FILIP1L: variants seen among roughly 807,000 people sequenced by gnomAD.
The protein encoded by FILIP1L is filamin A interacting protein 1 like.
Under a neutral mutation model 96.6 loss-of-function variants are expected in FILIP1L, and 55 were observed. The observed-to-expected ratio is 0.57, with a 90% CI of 0.46 to 0.71. FILIP1L has a LOEUF of 0.71. FILIP1L is among the 30% of genes least tolerant of loss of function. The pLI is 0.00. For missense variants in FILIP1L, 1,304 were observed against 1,321.2 expected (o/e 0.99, Z 0.20); for synonymous variants, 467 against 473.9 (o/e 0.99, Z 0.19).
intron 1 of FILIP1L, among the ~76,000 whole-genome samples, chr3:99,943,703 C>CA (rs1014184491): frequency 0.012 from 1,733 of 139,652 alleles, 34 homozygotes; most frequent in African/African-American, 0.038. Flanking sequence ...GACTCCGTCT[C>CA]AAAAAAAAAA....
intron 5 of FILIP1L, among the ~76,000 whole-genome samples, chr3:99,847,135 T>C (rs760237793): frequency 2.0e-5 from 3 of 152,168 alleles, no homozygotes; most frequent in Non-Finnish European, 2.9e-5. Context: ...ACATACTGTA[T>C]TTTTTAAATA....
At chr3:99,869,699 C>T (rs181406571) in intron 4 of FILIP1L, among the ~76,000 whole-genome samples, 3 of 152,276 alleles carry the variant, frequency 2.0e-5, no homozygotes, top group African/African-American at 7.2e-5. Flanking sequence ...TTAAGTCTTG[C>T]GAGCCCAAAT....
chr3:99,984,635 G>A (rs1398046063), intron 1 of FILIP1L, among the ~76,000 whole-genome samples: 2 of 152,264 alleles, frequency 1.3e-5, no homozygotes, highest in African/African-American at 4.8e-5. Flanking sequence ...GAAAGAATGA[G>A]CACCTTTGCC....
At chr3:100,084,611 G>C (rs913655205) in intron 1 of FILIP1L, among the ~76,000 whole-genome samples, 3 of 152,188 alleles carry the variant, frequency 2.0e-5, no homozygotes, top group African/African-American at 7.2e-5. Flanking sequence ...AAGAGGAACT[G>C]ATGTGGTTTT....
rs1942621860 is a variant in FILIP1L, at chr3:99,830,074, A to C, written c.*340T>G. On this transcript the variant is annotated 3_prime_UTR_variant, in exon 6 of 6. Transcript: ENST00000477258. ...GCAAAGTTCTGTAGAATGAAGAATT[A>C]CTTCTGTTTTCACCAGAAAACTCTT... 6.5e-6 allele frequency: 1 copy of C among 154,052 alleles called. No homozygotes were observed. The highest frequency in any genetic ancestry group is 1.5e-5 in the Non-Finnish European group (1 of 68,916). The allele number at this position is 154,052 out of a possible 1,614,324, so 9.5% of individuals were successfully genotyped here.
At chr3:99,837,993 C>G (rs921523988) in intron 5 of FILIP1L, among the ~76,000 whole-genome samples, 1 of 152,222 alleles carries the variant, frequency 6.6e-6, no homozygotes, top group African/African-American at 2.4e-5. Context: ...TTCCGTGAAT[C>G]ATTTTCACTC....
At chr3:100,112,024 A>C (rs1016340868) in intron 1 of FILIP1L, among the ~76,000 whole-genome samples, 2 of 152,170 alleles carry the variant, frequency 1.3e-5, no homozygotes, top group Non-Finnish European at 2.9e-5. Context: ...AATAACCAGC[A>C]CGGGGCCTGG....
chr3:99,876,691 A>T (rs967685516), intron 4 of FILIP1L, among the ~76,000 whole-genome samples: 4 of 152,130 alleles, frequency 2.6e-5, no homozygotes, highest in African/African-American at 7.2e-5. Context: ...GGGTCCTCAG[A>T]GGATGGTGTT....
chr3:99,898,651 A>G (rs1706337229), intron 4 of FILIP1L: 1 of 183,752 alleles, frequency 5.4e-6, no homozygotes, highest in Non-Finnish European at 1.2e-5. Flanking sequence ...CTGTAATCCC[A>G]GCTACTTGGA....
chr3:99,929,916 A>T lies in FILIP1L; in HGVS notation c.366T>A (p.Asp122Glu). Reference sequence around the variant, plus strand: ...AAGGGGTAGATTTCGCTTGAAAAGCATCTCTCTGGAGAGCCTCTAACACCT... The same window carrying T: ...AAGGGGTAGATTTCGCTTGAAAAGCTTCTCTCTGGAGAGCCTCTAACACCT... ...PKKVLEALQRDAFQAKSTPWQ... is the reference protein window; with the variant it reads ...PKKVLEALQREAFQAKSTPWQ... The change falls in exon 3 of 6, where the codon GAT (aspartate) becomes GAA (glutamate). Residue 122 changes from aspartate (D) to glutamate (E), a missense_variant. Asp to Glu is a conservative substitution (Grantham distance 45). Transcript: ENST00000477258. The T allele has an allele frequency of 6.2e-7, 1 of 1,613,732 alleles. No individual in the cohort carries two copies. Among genetic ancestry groups the T allele is most frequent in the Non-Finnish European group, 8.5e-7 (1 of 1,179,914 alleles).
chr3:100,054,982 C>T (rs1193403248), intron 1 of FILIP1L, among the ~76,000 whole-genome samples: 1 of 152,156 alleles, frequency 6.6e-6, no homozygotes, highest in Non-Finnish European at 1.5e-5. Context: ...CTTGCAGAGC[C>T]TCTTTTGGGC....
intron 1 of FILIP1L, among the ~76,000 whole-genome samples, chr3:100,089,849 CTACT>C (rs2066073277): frequency 1.3e-5 from 2 of 152,170 alleles, no homozygotes; most frequent in Non-Finnish European, 2.9e-5. Flanking sequence ...TTTTTGCCAC[CTACT>C]AGTTCAGTGA....
intron 1 of FILIP1L, among the ~76,000 whole-genome samples, chr3:99,958,583 G>A (rs1399271062): frequency 5.3e-5 from 8 of 152,168 alleles, no homozygotes; most frequent in East Asian, 1.9e-4. Context: ...ATGGGTCTAC[G>A]GTTAGTAGAA....
chr3:100,054,529 T>TATGTTATGTTATGTTATGTC (rs2065430846), intron 1 of FILIP1L, among the ~76,000 whole-genome samples: 1 of 151,592 alleles, frequency 6.6e-6, no homozygotes, highest in Non-Finnish European at 1.5e-5. Flanking sequence ...TATGTTATGT[T>TATGTTATGTTATGTTATGTC]ATGTTATGTT....
chr3:100,010,087 A>G (rs933988485), intron 1 of FILIP1L: 2 of 637,820 alleles, frequency 3.1e-6, no homozygotes, highest in Admixed American at 6.3e-5. Flanking sequence ...GTTGAGTACC[A>G]TACCAAGTTC....
At position 99,829,937 on chromosome 3, in the gene FILIP1L, C is replaced by A. The variant is rs535369305; in HGVS notation, c.*477G>T. ...GTCATAAAGAAATCATAGTTTTAGA[C>A]CTTAAAGTGTGATTTTAATTGTCCT... On this transcript the variant is annotated 3_prime_UTR_variant, in exon 6 of 6. Transcript: ENST00000477258. Among the ~76,000 whole-genome samples the A allele has an allele frequency of 6.6e-6, 1 of 152,254 alleles. No individual in the cohort carries two copies. Among genetic ancestry groups the A allele is most frequent in the Admixed American group, 6.5e-5 (1 of 15,298 alleles).
At chr3:100,052,422 G>A (rs552041627) in intron 1 of FILIP1L, among the ~76,000 whole-genome samples, 11 of 152,182 alleles carry the variant, frequency 7.2e-5, no homozygotes, top group Admixed American at 2.6e-4. Flanking sequence ...GATGGTAGTG[G>A]TGTATCCGTG....
At chr3:99,997,225 C>G (rs1047756368) in intron 1 of FILIP1L, among the ~76,000 whole-genome samples, 8 of 152,114 alleles carry the variant, frequency 5.3e-5, no homozygotes, top group African/African-American at 1.9e-4. Flanking sequence ...GCTTGCTAGA[C>G]TAACCAAGAA....
At chr3:100,083,638 G>A (rs1322912272) in intron 1 of FILIP1L, among the ~76,000 whole-genome samples, 1 of 152,134 alleles carries the variant, frequency 6.6e-6, no homozygotes, top group Non-Finnish European at 1.5e-5. Context: ...GAAATATGAG[G>A]CCTACATTTA....
Sources: gnomAD v4.1 joint callset for allele counts (sites outside exome capture counted in the v4.1 genomes callset) on GRCh38, gnomAD v4.1.1 for gene constraint, MANE v1.5 for transcripts, NCBI Gene and HGNC (gene_info 2026-07-23, HGNC 2026-07-21) for gene names.